The following ECPAS variants were observed in gnomAD, a reference collection of about 807,000 sequenced individuals.
The protein encoded by ECPAS is Ecm29 proteasome adaptor and scaffold.
ECPAS carries 70 observed loss-of-function variants against 255.1 expected under a neutral mutation model. That is an observed-to-expected ratio of 0.27 (90% CI 0.23 to 0.33). The LOEUF is 0.33. Among genes scored for constraint, ECPAS ranks in the 10% least tolerant of loss-of-function variants. The probability of loss-of-function intolerance (pLI) is 1.00; values close to 1 mark genes in which losing one functional copy is unlikely to be tolerated. For missense variants in ECPAS, 1,817 were observed against 2,206.4 expected (o/e 0.82, Z 3.54); for synonymous variants, 784 against 775.0 (o/e 1.01, Z -0.19).
intron 2 of ECPAS, among the ~76,000 whole-genome samples, chr9:111,456,539 A>C (rs951557814): frequency 1.3e-5 from 2 of 152,240 alleles, no homozygotes; most frequent in African/African-American, 4.8e-5. Flanking sequence ...CGTTCACTAG[A>C]ATGTGTCTCA....
chr9:111,433,146 CA>C, intron 8 of ECPAS, 86 bp downstream of exon 8: 5 of 1,450,328 alleles, frequency 3.4e-6, no homozygotes, highest in Non-Finnish European at 4.7e-6. Flanking sequence ...TGCCTCATTA[CA>C]AAAAATCCTT....
At chr9:111,483,794 G>T (rs542684381) in intron 1 of ECPAS, 2 of 197,562 alleles carry the variant, frequency 1.0e-5, no homozygotes, top group Non-Finnish European at 1.8e-5. Flanking sequence ...TGCCGCTGCC[G>T]CCGCCGCCGT....
chr9:111,483,650 C>G (rs7046869), intron 1 of ECPAS: 98 of 200,048 alleles, frequency 4.9e-4, no homozygotes, highest in African/African-American at 2.2e-3. Context: ...GTTCACTCGG[C>G]GCGGACCGCG....
chr9:111,378,474 G>T, intron 36 of ECPAS, 106 bp downstream of exon 36: 1 of 1,148,466 alleles, frequency 8.7e-7, no homozygotes, highest in Non-Finnish European at 1.2e-6. Context: ...GTGACAGAGG[G>T]TGAGTTCTGG....
At chr9:111,482,413 TTGC>T (rs1209948102) in intron 1 of ECPAS, among the ~76,000 whole-genome samples, 1 of 152,182 alleles carries the variant, frequency 6.6e-6, no homozygotes, top group Non-Finnish European at 1.5e-5. Flanking sequence ...CCTCACAAGG[TTGC>T]TATGAGGGCA....
At chr9:111,380,358 TTTTG>T (rs968343248) in intron 35 of ECPAS, among the ~76,000 whole-genome samples, 9 of 152,226 alleles carry the variant, frequency 5.9e-5, no homozygotes, top group African/African-American at 7.2e-5. Context: ...TTTGTTTGTT[TTTTG>T]TTTTTGTTTT....
Position 111,404,823 on chromosome 9 carries a change from A to AC in ECPAS, c.2652+3747_2652+3748insG, listed in dbSNP as rs1469634543. On this transcript the variant is annotated intron_variant, in intron 24 of 49. Transcript: ENST00000684092. The stretch of plus-strand genomic sequence containing the variant: ...GCTTATAATAGCTACCAAAAAAAAA[A>AC]AAAAAAAAAAACCTAGGGATAAATT... Among the ~76,000 whole-genome samples the AC allele has an allele frequency of 1.2e-3, 179 of 148,800 alleles. 19 individuals carry two copies. The highest frequency in any genetic ancestry group is 3.9e-3 in the African/African-American group (153 of 39,114).
At chr9:111,385,523 C>T (rs2098146886) in intron 32 of ECPAS, 81 bp from the exon 33 acceptor site, 2 of 812,872 alleles carry the variant, frequency 2.5e-6, no homozygotes, top group South Asian at 1.6e-5. Flanking sequence ...AAAAAGAATA[C>T]AGATTCTGCC....
At position 111,368,854 on chromosome 9, in the gene ECPAS, G is replaced by A. The variant is rs534933507; in HGVS notation, c.5113+181C>T. 2.6e-5 allele frequency among the ~76,000 whole-genome samples: 4 copies of A among 152,286 alleles called. No individual in the cohort carries two copies. In the East Asian group the frequency reaches 5.8e-4, roughly 22 times the overall value. ...TTCTTACAGCAGCCCTAGCTACAGCGGTACAATGATCAGTGAGATCACAGA... is the reference window on the plus strand; with the variant it reads ...TTCTTACAGCAGCCCTAGCTACAGCAGTACAATGATCAGTGAGATCACAGA... On this transcript the variant is annotated intron_variant, in intron 46 of 49. Transcript: ENST00000684092.
intron 24 of ECPAS, among the ~76,000 whole-genome samples, chr9:111,404,315 A>G (rs534808298): frequency 1.9e-4 from 29 of 150,032 alleles, no homozygotes; most frequent in Non-Finnish European, 4.1e-4. Context: ...AGTTTAATGA[A>G]ATGAAAAACT....
In ECPAS at chr9:111,383,463, G is replaced by A. The variant is rs918553029; in HGVS notation, c.3682-131C>T. ...TGAATCTACTTTCTCTGACACTACA[G>A]AGACACAGAGGAATGAGATCGGAGA... is the stretch of plus-strand genomic sequence containing the variant. On this transcript the variant is annotated intron_variant, in intron 34 of 49. Transcript: ENST00000684092. 4.1e-6 allele frequency: 5 copies of A among 1,222,576 alleles called. No individual in the cohort carries two copies. The African/African-American group carries it at 7.6e-5, about 19-fold the overall frequency. 75.7% of individuals were successfully genotyped at this position (1,222,576 alleles called of 1,614,324 possible).
At chr9:111,413,226 A>G (rs1679034888) in intron 20 of ECPAS, among the ~76,000 whole-genome samples, 1 of 152,232 alleles carries the variant, frequency 6.6e-6, no homozygotes, top group South Asian at 2.1e-4. Flanking sequence ...ATGATAGATT[A>G]TTCATTGCAG....
intron 24 of ECPAS, among the ~76,000 whole-genome samples, chr9:111,401,148 C>G (rs1366346056): frequency 6.6e-6 from 1 of 152,200 alleles, no homozygotes; most frequent in Non-Finnish European, 1.5e-5. Context: ...AAAATCCTTG[C>G]AACTGAGAAT....
In ECPAS at chr9:111,483,940, C is replaced by T. The variant is rs565484833; in HGVS notation, c.-83+176G>A. The T allele has an allele frequency of 6.8e-4, 621 of 910,356 alleles. 5 individuals carry two copies. The African/African-American group carries it at 0.011, about 16-fold the overall frequency. 56.4% of individuals were successfully genotyped at this position (910,356 alleles called of 1,614,324 possible). On this transcript the variant is annotated intron_variant, in intron 1 of 49. Coordinates refer to ENST00000684092, the MANE Select transcript of ECPAS (RefSeq NM_001364929.1). ...CCAGCGGCCCCCCCGCCGGGCCCCT[C>T]GCGCGCCCGCCCGCCCTCGCTCGCT...
intron 31 of ECPAS, among the ~76,000 whole-genome samples, chr9:111,387,301 G>A (rs548543121): frequency 6.6e-6 from 1 of 151,964 alleles, no homozygotes; most frequent in African/African-American, 2.4e-5. Context: ...GTTATTGAGG[G>A]ACAGAGTCTC....
rs571066406 is a variant in ECPAS at position 111,437,185 on chromosome 9, T to C, written c.540-77A>G. 2.8e-5 allele frequency: 32 copies of C among 1,128,244 alleles called. No individual in the cohort carries two copies. In the South Asian group the frequency reaches 6.7e-4, roughly 24 times the overall value. The allele number at this position is 1,128,244 out of a possible 1,614,324, so 69.9% of individuals were successfully genotyped here. ...CTATATATGTATACAAAACATTCAA[T>C]CATATACTGTCCTCCTACTGTATTT... is the stretch of plus-strand genomic sequence containing the variant. On this transcript the variant is annotated intron_variant, in intron 6 of 49. Coordinates refer to ENST00000684092, the MANE Select transcript of ECPAS (RefSeq NM_001364929.1).
chr9:111,401,277 A>G (rs1233870151), intron 24 of ECPAS, among the ~76,000 whole-genome samples: 2 of 152,188 alleles, frequency 1.3e-5, no homozygotes, highest in African/African-American at 4.8e-5. Context: ...AAGAGTAAAA[A>G]GAGAGAAATT....
chr9:111,371,282 C>A (rs1286081812), intron 43 of ECPAS, among the ~76,000 whole-genome samples: 1 of 152,154 alleles, frequency 6.6e-6, no homozygotes, highest in Non-Finnish European at 1.5e-5. Context: ...TTCACATATG[C>A]CCAATCCTGA....
chr9:111,416,540 G>GTAT (rs1416875675), intron 17 of ECPAS, among the ~76,000 whole-genome samples, 188 bp from the exon 18 acceptor site: 1 of 152,140 alleles, frequency 6.6e-6, no homozygotes, highest in Non-Finnish European at 1.5e-5. Context: ...AAAGACAAGT[G>GTAT]TATTGCCCTT....
Sources: gnomAD v4.1 joint callset for allele counts (sites outside exome capture counted in the v4.1 genomes callset) on GRCh38, gnomAD v4.1.1 for gene constraint, MANE v1.5 for transcripts, NCBI Gene and HGNC (gene_info 2026-07-23, HGNC 2026-07-21) for gene names.